DIAPH2: variants seen among roughly 807,000 people sequenced by gnomAD.
The protein encoded by DIAPH2 is diaphanous related formin 2, also known as protein diaphanous homolog 2.
In DIAPH2, 35 loss-of-function variants were observed where a neutral mutation model predicts 92.7. The observed-to-expected ratio is 0.38, with a 90% confidence interval of 0.29 to 0.50. The LOEUF (loss-of-function observed/expected upper bound fraction) is 0.50, where lower values mean the gene tolerates loss of function less well. Among genes scored for constraint, DIAPH2 ranks in the 20% least tolerant of loss-of-function variants. The pLI is 0.94. For missense variants in DIAPH2, 701 were observed against 819.5 expected (o/e 0.86, Z 1.77); for synonymous variants, 301 against 280.4 (o/e 1.07, Z -0.73).
chrX:97,512,058 T>C (rs1222256939), intron 26 of DIAPH2, among the ~76,000 whole-genome samples: 1 of 113,509 alleles, frequency 8.8e-6, no homozygotes, highest in Admixed American at 9.2e-5. Flanking sequence ...CTTTTTCTAT[T>C]GATTGGAATA....
At chrX:96,881,770 A>T in intron 5 of DIAPH2, 52 bp downstream of exon 5, 1 of 1,130,284 alleles carries the variant, frequency 8.8e-7, no homozygotes, top group East Asian at 3.1e-5. Flanking sequence ...TAGTGCATAT[A>T]ATTGTTTGGG....
chrX:97,438,382 T>TTC (rs1569397556), intron 26 of DIAPH2, among the ~76,000 whole-genome samples: 1 of 92,488 alleles, frequency 1.1e-5, no homozygotes, highest in African/African-American at 4.1e-5. Flanking sequence ...TTTTTTTTTT[T>TTC]TGAGACAGGG....
chrX:96,837,020 C>T (rs6620186), intron 4 of DIAPH2, among the ~76,000 whole-genome samples: 11,100 of 108,335 alleles, frequency 0.1, 532 homozygotes, highest in East Asian at 0.32. Flanking sequence ...AGCCACCGCG[C>T]CCGGCAGGTA....
chrX:96,982,604 G>A (rs2066004725), intron 17 of DIAPH2, among the ~76,000 whole-genome samples: 1 of 112,112 alleles, frequency 8.9e-6, no homozygotes, highest in African/African-American at 3.2e-5. Flanking sequence ...TAACAGCAGT[G>A]ATAAAGATGC....
intron 23 of DIAPH2, among the ~76,000 whole-genome samples, chrX:97,306,472 C>T (rs768764495): frequency 9.0e-6 from 1 of 111,653 alleles, no homozygotes; most frequent in African/African-American, 3.2e-5. Flanking sequence ...CTATCATTAC[C>T]ATTCAGGAAG....
chrX:97,257,319 T>G (rs2068245621), intron 23 of DIAPH2, among the ~76,000 whole-genome samples: 1 of 111,055 alleles, frequency 9.0e-6, no homozygotes, highest in Admixed American at 9.6e-5. Context: ...AATGAAAAAT[T>G]TAAAAAGGCC....
intron 21 of DIAPH2, among the ~76,000 whole-genome samples, chrX:97,137,197 G>A (rs1312137769): frequency 9.7e-6 from 1 of 103,233 alleles, no homozygotes; most frequent in Non-Finnish European, 2.0e-5. Flanking sequence ...TAGCAAATGT[G>A]TGTTCTGGAA....
At chrX:96,909,320 T>C (rs1276143194) in intron 5 of DIAPH2, among the ~76,000 whole-genome samples, 1 of 110,964 alleles carries the variant, frequency 9.0e-6, no homozygotes, top group Non-Finnish European at 1.9e-5. Flanking sequence ...TGCCTCCTCA[T>C]TTCATGACCA....
intron 16 of DIAPH2, among the ~76,000 whole-genome samples, chrX:96,963,023 G>A (rs192469814): frequency 1.8e-5 from 2 of 111,860 alleles, no homozygotes; most frequent in African/African-American, 6.5e-5. Context: ...GGCTTGTCTA[G>A]TGGTGATGAA....
chrX:97,481,818 C>T (rs1426960814), intron 26 of DIAPH2, among the ~76,000 whole-genome samples: 4 of 111,312 alleles, frequency 3.6e-5, no homozygotes, highest in African/African-American at 9.8e-5. Context: ...TTGACAGAGC[C>T]GACACCTTAA....
At chrX:96,919,762 T>C (rs1381490946) in intron 9 of DIAPH2, among the ~76,000 whole-genome samples, 1 of 111,604 alleles carries the variant, frequency 9.0e-6, no homozygotes, top group Non-Finnish European at 1.9e-5. Flanking sequence ...AAAATTGTAA[T>C]ACCTCTCCAA....
intron 26 of DIAPH2, among the ~76,000 whole-genome samples, chrX:97,516,069 T>G (rs1326907167): frequency 1.8e-5 from 2 of 110,478 alleles, no homozygotes; most frequent in Admixed American, 1.9e-4. Flanking sequence ...CTGGCCAGTA[T>G]GGTGAAACCC....
intron 17 of DIAPH2, among the ~76,000 whole-genome samples, chrX:97,021,591 A>C (rs1012961194): frequency 7.1e-5 from 8 of 112,302 alleles, no homozygotes; most frequent in African/African-American, 2.6e-4. Flanking sequence ...AGAGCAAAGA[A>C]TATAATGTGA....
chrX:97,172,031 C>T (rs2067458417), intron 22 of DIAPH2, among the ~76,000 whole-genome samples: 1 of 111,080 alleles, frequency 9.0e-6, no homozygotes, highest in African/African-American at 3.3e-5. Flanking sequence ...CAAATATAAA[C>T]ATTGTATGCA....
In DIAPH2 at chrX:97,324,675, C is replaced by T. The variant is rs928439318; in HGVS notation, c.2845-23441C>T. Among the ~76,000 whole-genome samples, 3 of 111,977 alleles carry T rather than the reference C, an allele frequency of 2.7e-5. No individual in the cohort carries two copies. The East Asian group carries it at 8.3e-4, about 31-fold the overall frequency. On this transcript the variant is annotated intron_variant, in intron 23 of 26. Transcript: ENST00000324765. ...ATAAAAGGCCTGTGCAACTTAGACT[C>T]AAATGTATCAATGCCTACAGGAAAA...
chrX:97,243,911 A>C (rs2068118875), intron 22 of DIAPH2, among the ~76,000 whole-genome samples: 1 of 112,196 alleles, frequency 8.9e-6, no homozygotes, highest in African/African-American at 3.2e-5. Flanking sequence ...ATTCATCAAT[A>C]AATATTTATT....
In DIAPH2 at chrX:97,497,091, G is replaced by C. The variant is rs140702531; in HGVS notation, c.3241+67346G>C. Among the ~76,000 whole-genome samples the C allele has an allele frequency of 5.4e-5, 6 of 110,543 alleles. No homozygotes were observed. In the East Asian group the frequency reaches 1.7e-3, roughly 32 times the overall value. On this transcript the variant is annotated intron_variant, in intron 26 of 26. Coordinates refer to ENST00000324765, the MANE Select transcript of DIAPH2 (RefSeq NM_006729.5). Reference sequence around the variant, plus strand: ...ATTCATTCAGATAAGTGGAAATATTGTTAGATTTGTTGACTGGAAGGAAGT... The same window carrying C: ...ATTCATTCAGATAAGTGGAAATATTCTTAGATTTGTTGACTGGAAGGAAGT...
intron 26 of DIAPH2, among the ~76,000 whole-genome samples, chrX:97,592,730 G>A (rs1163646846): frequency 8.9e-6 from 1 of 111,774 alleles, no homozygotes; most frequent in African/African-American, 3.2e-5. Flanking sequence ...AGACATTTGG[G>A]GGTCTATTTT....
At chrX:97,338,119 G>A (rs1367829587) in intron 23 of DIAPH2, among the ~76,000 whole-genome samples, 4 of 110,335 alleles carry the variant, frequency 3.6e-5, no homozygotes, top group Non-Finnish European at 7.6e-5. Context: ...TAATCTGCCC[G>A]CCTCGGCCTC....
Sources: gnomAD v4.1 joint callset for allele counts (sites outside exome capture counted in the v4.1 genomes callset) on GRCh38, gnomAD v4.1.1 for gene constraint, MANE v1.5 for transcripts, NCBI Gene and HGNC (gene_info 2026-07-23, HGNC 2026-07-21) for gene names.